The following TRPC7 variants were observed in gnomAD, a reference collection of about 807,000 sequenced individuals.
TRPC7 encodes short transient receptor potential channel 7.
Under a neutral mutation model 90.1 loss-of-function variants are expected in TRPC7, and 42 were observed. The ratio of observed to expected loss-of-function variants is 0.47; its 90% CI spans 0.36 to 0.60. The LOEUF (loss-of-function observed/expected upper bound fraction) is 0.60. Among genes scored for constraint, TRPC7 ranks in the 20% least tolerant of loss-of-function variants. TRPC7 has a pLI of 0.00. For missense variants in TRPC7, 955 were observed against 1,112.3 expected, an observed-to-expected ratio of 0.86 and a Z score of 2.01; for synonymous variants, 451 against 436.3, an observed-to-expected ratio of 1.03 and a Z score of -0.42.
At chr5:136,267,302 T>A (rs2149812670) in intron 4 of TRPC7, among the ~76,000 whole-genome samples, 1 of 152,322 alleles carries the variant, frequency 6.6e-6, no homozygotes, top group South Asian at 2.1e-4. Flanking sequence ...AACCTCCTGT[T>A]AATGAACTCA....
chr5:136,225,931 T>C (rs1755612285), intron 9 of TRPC7, 103 bp downstream of exon 9: 2 of 977,204 alleles, frequency 2.0e-6, no homozygotes, highest in Admixed American at 4.8e-5. Flanking sequence ...CTGGCTCCCC[T>C]TGCATGGGGT....
chr5:136,300,594 A>G (rs2149830781), intron 3 of TRPC7, among the ~76,000 whole-genome samples: 1 of 152,350 alleles, frequency 6.6e-6, no homozygotes, highest in East Asian at 1.9e-4. Flanking sequence ...CTACCGGGCA[A>G]CTACCAGGCC....
At chr5:136,356,452 A>G (rs1235325575) in intron 2 of TRPC7, among the ~76,000 whole-genome samples, 156 bp downstream of exon 2, 1 of 152,306 alleles carries the variant, frequency 6.6e-6, no homozygotes, top group Non-Finnish European at 1.5e-5. Flanking sequence ...CCTATCTCTG[A>G]TAAGTGAGAT....
At chr5:136,216,394 A>G (rs1047435928) in intron 10 of TRPC7, 119 bp from the exon 11 acceptor site, 39 of 769,042 alleles carry the variant, frequency 5.1e-5, no homozygotes, top group Non-Finnish European at 7.9e-5. Context: ...CGACCCTCCC[A>G]TGCCTGGCGC....
chr5:136,295,775 G>T lies in TRPC7; in HGVS notation c.963+19822C>A, dbSNP rs542735130. Reference sequence around the variant, plus strand: ...TGATAGGCCATACTCAGCCATAGAAGCATGTAGGCTGAATTTGTGTCCTAA... The same window carrying T: ...TGATAGGCCATACTCAGCCATAGAATCATGTAGGCTGAATTTGTGTCCTAA... On this transcript the variant is annotated intron_variant, in intron 3 of 11. Coordinates refer to ENST00000513104, the MANE Select transcript of TRPC7 (RefSeq NM_020389.3). Among the ~76,000 whole-genome samples the T allele has an allele frequency of 4.1e-4, 62 of 152,324 alleles. 1 individual carries two copies. In the South Asian group the frequency reaches 0.012, roughly 30 times the overall value.
intron 8 of TRPC7, among the ~76,000 whole-genome samples, chr5:136,226,738 C>T (rs992955636): frequency 1.3e-4 from 20 of 152,070 alleles, no homozygotes; most frequent in African/African-American, 4.8e-4. Flanking sequence ...TCTACTAGCC[C>T]CATTCTAAAA....
chr5:136,305,524 C>G (rs768029485), intron 3 of TRPC7, among the ~76,000 whole-genome samples: 28 of 152,274 alleles, frequency 1.8e-4, no homozygotes, highest in Admixed American at 6.5e-4. Context: ...CCACCCAGGA[C>G]TGGCAAATTA....
chr5:136,300,721 G>A (rs1758349800), intron 3 of TRPC7, among the ~76,000 whole-genome samples: 1 of 152,186 alleles, frequency 6.6e-6, no homozygotes, highest in Admixed American at 6.5e-5. Flanking sequence ...GGGCCAGCCT[G>A]GAACATCATC....
At chr5:136,305,473 G>GC (rs1173014149) in intron 3 of TRPC7, among the ~76,000 whole-genome samples, 1 of 151,464 alleles carries the variant, frequency 6.6e-6, no homozygotes, top group Non-Finnish European at 1.5e-5. Flanking sequence ...GATTATTCAG[G>GC]CCCCCTCCCT....
In TRPC7 at chr5:136,251,713, C is replaced by A; in HGVS notation, c.1515G>T (p.Gln505His). The change falls in exon 6 of 12, where the codon CAG becomes CAT. Residue 505 changes from glutamine (Q) to histidine (H), a missense_variant. Around this residue, in one of 4 missense-constraint regions of TRPC7, gnomAD observed 484 missense variants for 509.6 expected, o/e 0.95. Transcript: ENST00000513104. ...KATEAQLYVD[Q>H]HVQDDTLHNV... is the part of the protein sequence containing the mutation. ...TGTGCAGCGTGTCGTCCTGCACGTGCTGGTCCACGTACAGCTGTGCCTCCG... is the reference window on the plus strand; with the variant it reads ...TGTGCAGCGTGTCGTCCTGCACGTGATGGTCCACGTACAGCTGTGCCTCCG... 6.2e-7 allele frequency: 1 copy of A among 1,613,952 alleles called. No homozygotes were observed. Among genetic ancestry groups the A allele is most frequent in the Non-Finnish European group, 8.5e-7 (1 of 1,179,844 alleles).
intron 10 of TRPC7, among the ~76,000 whole-genome samples, chr5:136,218,580 T>C (rs535813788): frequency 5.1e-4 from 78 of 152,340 alleles, no homozygotes; most frequent in African/African-American, 1.8e-3. Flanking sequence ...AATTCTTTCA[T>C]AGGTGCAGCC....
chr5:136,231,708 A>G (rs1287895189), intron 7 of TRPC7, among the ~76,000 whole-genome samples, 159 bp from the exon 8 acceptor site: 12 of 152,054 alleles, frequency 7.9e-5, no homozygotes, highest in African/African-American at 2.9e-4. Context: ...GGACTCAAGC[A>G]ATTCTCCTGC....
intron 4 of TRPC7, among the ~76,000 whole-genome samples, chr5:136,274,441 C>T (rs966023532): frequency 2.6e-5 from 4 of 151,640 alleles, no homozygotes; most frequent in African/African-American, 7.3e-5. Flanking sequence ...TTATGCCTCT[C>T]GTGTTTAAAA....
rs116728307 is a variant in TRPC7 at position 136,323,306 on chromosome 5, G to T, written c.781-7527C>A. Among the ~76,000 whole-genome samples the T allele has an allele frequency of 8.2e-3, 1,253 of 152,224 alleles. 5 individuals are homozygous for T. Among genetic ancestry groups the T allele is most frequent in the Non-Finnish European group, 0.014 (943 of 68,012 alleles). ...TTTTTTTCATAAATTGCCCACTCTTGGGTGTGTCTTTATCAGCAATGTGAA... is the reference window on the plus strand; with the variant it reads ...TTTTTTTCATAAATTGCCCACTCTTTGGTGTGTCTTTATCAGCAATGTGAA... On this transcript the variant is annotated intron_variant, in intron 2 of 11. Transcript: ENST00000513104.
intron 10 of TRPC7, among the ~76,000 whole-genome samples, chr5:136,216,833 C>G (rs1184101862): frequency 1.3e-5 from 2 of 152,366 alleles, no homozygotes; most frequent in African/African-American, 4.8e-5. Flanking sequence ...GAAGCAGAAG[C>G]AGACACAGCC....
intron 2 of TRPC7, among the ~76,000 whole-genome samples, chr5:136,329,561 G>A (rs1022099874): frequency 6.6e-6 from 1 of 152,124 alleles, no homozygotes; most frequent in African/African-American, 2.4e-5. Context: ...AGGAGAGGAG[G>A]TGGCAGGGAA....
chr5:136,351,389 G>T (rs1274172841), intron 2 of TRPC7, among the ~76,000 whole-genome samples: 8 of 152,208 alleles, frequency 5.3e-5, no homozygotes, highest in Non-Finnish European at 8.8e-5. Context: ...GCAGGCATTT[G>T]TTTATACTAC....
intron 2 of TRPC7, among the ~76,000 whole-genome samples, chr5:136,340,579 C>T (rs954756422): frequency 4.6e-5 from 7 of 151,662 alleles, no homozygotes; most frequent in Non-Finnish European, 7.4e-5. Context: ...TTATTATTTA[C>T]CAATAAAAAT....
intron 3 of TRPC7, among the ~76,000 whole-genome samples, chr5:136,312,812 G>A (rs1029861471): frequency 6.6e-6 from 1 of 152,122 alleles, no homozygotes; most frequent in Admixed American, 6.6e-5. Flanking sequence ...CAGCCACAGA[G>A]CAGCACCACC....
Sources: gnomAD v4.1 joint callset for allele counts (sites outside exome capture counted in the v4.1 genomes callset) on GRCh38, gnomAD v4.1.1 for gene constraint, gnomAD v4.1.1 regional missense constraint, MANE v1.5 for transcripts, NCBI Gene and HGNC (gene_info 2026-07-23, HGNC 2026-07-21) for gene names.